The following OSBPL6 variants were observed in gnomAD, a reference collection of about 807,000 sequenced individuals.
OSBPL6 encodes the protein oxysterol-binding protein-related protein 6.
Under a neutral mutation model 125.8 loss-of-function variants are expected in OSBPL6, and 49 were observed. The ratio of observed to expected loss-of-function variants is 0.39; its 90% CI spans 0.31 to 0.49. OSBPL6 has a LOEUF of 0.49. Ranked by LOEUF, OSBPL6 falls within the 20% of genes least tolerant of loss-of-function variation. OSBPL6 has a pLI of 0.88. For synonymous variants in OSBPL6, 394 were observed against 391.8 expected (o/e 1.01, Z -0.07); for missense variants, 986 against 1,135.4 (o/e 0.87, Z 1.89).
At position 178,287,186 on chromosome 2, in the gene OSBPL6, A is replaced by C. The variant is rs140504718; in HGVS notation, c.-156+2065A>C. On this transcript the variant is annotated intron_variant, in intron 2 of 24. Transcript: ENST00000190611. ...AAAAAAAAACAAATTATTTTACTTA[A>C]AAAATAAGATTTACAGATATTTTCC... is the stretch of plus-strand genomic sequence containing the variant. Among the ~76,000 whole-genome samples the C allele has an allele frequency of 6.6e-3, 1,001 of 152,056 alleles. 4 individuals are homozygous for C. The highest frequency in any genetic ancestry group is 9.7e-3 in the Non-Finnish European group (659 of 67,970).
chr2:178,348,007 A>G (rs1052372950), intron 11 of OSBPL6, among the ~76,000 whole-genome samples: 2 of 152,198 alleles, frequency 1.3e-5, no homozygotes, highest in Non-Finnish European at 2.9e-5. Flanking sequence ...CTCTGTCTCA[A>G]CTGCCCTTAA....
intron 1 of OSBPL6, among the ~76,000 whole-genome samples, chr2:178,201,089 T>C (rs750123228): frequency 3.9e-5 from 6 of 152,200 alleles, no homozygotes; most frequent in Non-Finnish European, 7.3e-5. Flanking sequence ...CCACTGTGCC[T>C]GGCCCAAATA....
intron 2 of OSBPL6, among the ~76,000 whole-genome samples, chr2:178,301,849 A>G (rs1401959405): frequency 6.6e-6 from 1 of 152,156 alleles, no homozygotes; most frequent in Non-Finnish European, 1.5e-5. Flanking sequence ...CACTCAAGGT[A>G]GGTCTGCAGC....
At chr2:178,339,188 G>T in intron 10 of OSBPL6, 94 bp downstream of exon 10, 1 of 667,116 alleles carries the variant, frequency 1.5e-6, no homozygotes. Flanking sequence ...AACATTTAAA[G>T]ATAAATAACT....
At chr2:178,353,257 G>A (rs1226177915) in intron 12 of OSBPL6, among the ~76,000 whole-genome samples, 2 of 152,182 alleles carry the variant, frequency 1.3e-5, no homozygotes, top group Admixed American at 1.3e-4. Flanking sequence ...TGATGAGTTG[G>A]CATAAGTAGG....
At chr2:178,303,211 C>T (rs997356993) in intron 2 of OSBPL6, among the ~76,000 whole-genome samples, 3 of 152,192 alleles carry the variant, frequency 2.0e-5, no homozygotes, top group African/African-American at 4.8e-5. Context: ...AGATATACAG[C>T]GCTTTCCATT....
At chr2:178,227,991 GTTTAA>G (rs1200260253) in intron 1 of OSBPL6, among the ~76,000 whole-genome samples, 7 of 151,980 alleles carry the variant, frequency 4.6e-5, no homozygotes, top group African/African-American at 1.7e-4. Context: ...CAAATATTAT[GTTTAA>G]TTTAATTATG....
At chr2:178,339,551 G>T in intron 10 of OSBPL6, 121 bp from the exon 11 acceptor site, 2 of 573,810 alleles carry the variant, frequency 3.5e-6, no homozygotes. Flanking sequence ...TTCTGTCCTG[G>T]CTGGTTTGCT....
At chr2:178,356,337 C>A (rs75341992) in intron 12 of OSBPL6, among the ~76,000 whole-genome samples, 2 of 152,252 alleles carry the variant, frequency 1.3e-5, no homozygotes, top group East Asian at 1.9e-4. Context: ...ATTTAGAAAA[C>A]CCCATTGCCG....
chr2:178,248,868 T>G (rs2154000670), intron 1 of OSBPL6, among the ~76,000 whole-genome samples: 1 of 152,310 alleles, frequency 6.6e-6, no homozygotes, highest in Admixed American at 6.5e-5. Context: ...AATTAACTAT[T>G]GTTAATTTTC....
intron 13 of OSBPL6, among the ~76,000 whole-genome samples, chr2:178,366,607 C>T (rs564944567): frequency 9.2e-5 from 14 of 152,156 alleles, no homozygotes; most frequent in East Asian, 5.8e-4. Flanking sequence ...TTAGAATCAG[C>T]GAAATGTAAA....
intron 15 of OSBPL6, among the ~76,000 whole-genome samples, chr2:178,381,342 A>G (rs925356087): frequency 5.9e-5 from 9 of 151,994 alleles, no homozygotes; most frequent in African/African-American, 2.2e-4. Context: ...ACAGAGGCCA[A>G]CTGAATCTAA....
chr2:178,373,694 A>T (rs908955681), intron 14 of OSBPL6, among the ~76,000 whole-genome samples, 196 bp from the exon 15 acceptor site: 2 of 152,200 alleles, frequency 1.3e-5, no homozygotes, highest in Non-Finnish European at 1.5e-5. Context: ...ACACCTTTCA[A>T]CTATTCCTTT....
chr2:178,244,426 A>G (rs948128746), intron 1 of OSBPL6, among the ~76,000 whole-genome samples: 9 of 107,318 alleles, frequency 8.4e-5, no homozygotes, highest in African/African-American at 3.8e-4. Flanking sequence ...CCTTAAGTCC[A>G]TGACACAAAA....
intron 1 of OSBPL6, among the ~76,000 whole-genome samples, chr2:178,265,624 A>G (rs769357400): frequency 1.8e-4 from 27 of 152,100 alleles, no homozygotes; most frequent in Non-Finnish European, 3.7e-4. Flanking sequence ...TTTAAGTGGG[A>G]AGATTTATCA....
chr2:178,282,574 G>A (rs896372403), intron 1 of OSBPL6, among the ~76,000 whole-genome samples: 1 of 152,194 alleles, frequency 6.6e-6, no homozygotes, highest in Non-Finnish European at 1.5e-5. Context: ...CTCTTTATCA[G>A]TGTCTTCTCT....
chr2:178,200,767 C>T (rs559401160), intron 1 of OSBPL6, among the ~76,000 whole-genome samples: 37 of 152,108 alleles, frequency 2.4e-4, no homozygotes, highest in Middle Eastern at 6.8e-3. Context: ...TCCAGAAATG[C>T]TTTAGGAATT....
At chr2:178,237,686 A>G (rs1278283121) in intron 1 of OSBPL6, among the ~76,000 whole-genome samples, 1 of 152,170 alleles carries the variant, frequency 6.6e-6, no homozygotes, top group Non-Finnish European at 1.5e-5. Flanking sequence ...CAGGATGTTC[A>G]GCAGCAACCC....
At chr2:178,360,374 G>T (rs763136432) in intron 12 of OSBPL6, among the ~76,000 whole-genome samples, 1 of 151,884 alleles carries the variant, frequency 6.6e-6, no homozygotes, top group Non-Finnish European at 1.5e-5. Context: ...ACAGCGCGGT[G>T]GGGGGGCGGG....
Sources: gnomAD v4.1 joint callset for allele counts (sites outside exome capture counted in the v4.1 genomes callset) on GRCh38, gnomAD v4.1.1 for gene constraint, MANE v1.5 for transcripts, NCBI Gene and HGNC (gene_info 2026-07-23, HGNC 2026-07-21) for gene names.